The following ADORA2A variants were observed in gnomAD, a reference collection of about 807,000 sequenced individuals.
ADORA2A encodes the protein adenosine receptor A2a.
ADORA2A carries 11 observed loss-of-function variants against 18.4 expected under a neutral mutation model. The observed-to-expected ratio is 0.60, with a 90% CI of 0.38 to 0.99. ADORA2A has a LOEUF of 0.99. Among genes scored for constraint, ADORA2A ranks in the 50% least tolerant of loss-of-function variants. The pLI, the probability that ADORA2A is intolerant of heterozygous loss-of-function variation, is 0.01. For missense variants in ADORA2A, 449 were observed against 556.1 expected (o/e 0.81, Z 1.94); for synonymous variants, 218 against 237.3 (o/e 0.92, Z 0.75).
At chr22:24,429,419 G>T (rs995545026) in intron 1 of ADORA2A, 1 of 152,242 alleles carries the variant, frequency 6.6e-6, no homozygotes, top group Admixed American at 6.5e-5. Context: ...TCACAGAGAA[G>T]TATTACATTA....
At chr22:24,426,871 AC>A (rs1381927030), upstream of ADORA2A, among the ~76,000 whole-genome samples, 1 of 152,090 alleles carries the variant, frequency 6.6e-6, no homozygotes, top group East Asian at 1.9e-4. Flanking sequence ...TCCAAGTCTC[AC>A]CCAGATGATG....
At chr22:24,425,058 A>T (rs1366377670), upstream of ADORA2A, among the ~76,000 whole-genome samples, 1 of 152,020 alleles carries the variant, frequency 6.6e-6, no homozygotes, top group Non-Finnish European at 1.5e-5. Context: ...GCTCTGCCAC[A>T]CACAGGGCCT....
chr22:24,429,349 T>C (rs976071589), intron 1 of ADORA2A: 1 of 152,282 alleles, frequency 6.6e-6, no homozygotes, highest in Non-Finnish European at 1.5e-5. Context: ...TTCCGCAGCA[T>C]GTGTCCCCTG....
In ADORA2A at chr22:24,441,353, G is replaced by A. The variant is rs770090790; in HGVS notation, c.1103G>A (p.Gly368Glu). The A allele has an allele frequency of 6.3e-7, 1 of 1,591,222 alleles. No individual in the cohort carries two copies. Residue 368 changes from glycine to glutamate, a missense_variant, in exon 3 of 3, where the codon GGA (glycine) becomes GAA (glutamate). Physicochemically the swap from Gly to Glu is moderately conservative, Grantham distance 98 (BLOSUM62 -2). Coordinates refer to ENST00000337539, the MANE Select transcript of ADORA2A (RefSeq NM_000675.6). ...GGCTATGCCCTGGGGCTGGTGAGTG[G>A]AGGGAGTGCCCAAGAGTCCCAGGGG... ...PNGYALGLVS[G>E]GSAQESQGNT...
chr22:24,425,346 C>T (rs570169333), upstream of ADORA2A, among the ~76,000 whole-genome samples: 7 of 136,364 alleles, frequency 5.1e-5, no homozygotes, highest in South Asian at 5.2e-4. Context: ...CACCCCCCCC[C>T]CCCCCGCCCA....
chr22:24,426,830 C>A (rs1237585264), upstream of ADORA2A, among the ~76,000 whole-genome samples: 2 of 152,178 alleles, frequency 1.3e-5, no homozygotes, highest in Non-Finnish European at 2.9e-5. Context: ...CTGCTAGAAT[C>A]TCTCGATACC....
Position 24,433,162 on chromosome 22 carries a change from C to A in ADORA2A, c.-243C>A, listed in dbSNP as rs199997232. ...CAGGAACCCTGAAGCTGGGCTGAGC[C>A]ATGATGCTGCTGCCAGAACCCCTGC... On this transcript the variant is annotated 5_prime_UTR_variant, in exon 2 of 3. Coordinates refer to ENST00000337539, the MANE Select transcript of ADORA2A (RefSeq NM_000675.6). 42 of 584,150 alleles carry A rather than the reference C, an allele frequency of 7.2e-5. 2 individuals are homozygous for A. In the South Asian group the frequency reaches 8.5e-4, roughly 12 times the overall value. The allele number at this position is 584,150 out of a possible 1,614,324, so 36.2% of individuals were successfully genotyped here. A position where few individuals can be genotyped will look rare whatever the true frequency, so the allele number is the denominator to read the frequency against.
Position 24,433,745 on chromosome 22 carries a change from G to A in ADORA2A, c.332+9G>A, listed in dbSNP as rs79305848. On this transcript the variant is annotated intron_variant, in intron 2 of 2. Coordinates refer to ENST00000337539, the MANE Select transcript of ADORA2A (RefSeq NM_000675.6). ...ATCCGCATCCCGCTCCGGTGAGCAG[G>A]GCCGGGGTTACATCTGTGCAAAGGC... 6.7e-5 allele frequency: 107 copies of A among 1,600,748 alleles called. No individual in the cohort carries two copies. Among genetic ancestry groups the A allele is most frequent in the Non-Finnish European group, 8.7e-5 (102 of 1,178,690 alleles).
chr22:24,424,000 CGGGTCCG>C (rs2042889270), upstream of ADORA2A: 3 of 149,310 alleles, frequency 2.0e-5, no homozygotes, highest in Admixed American at 2.0e-4. Flanking sequence ...TCCTGGGTGC[CGGGTCCG>C]GGGTGCGGGG....
chr22:24,435,547 A>G (rs1174596982), intron 2 of ADORA2A, among the ~76,000 whole-genome samples: 1 of 151,970 alleles, frequency 6.6e-6, no homozygotes, highest in Non-Finnish European at 1.5e-5. Flanking sequence ...ATGACTCCCT[A>G]TGTAGTAGGA....
intron 2 of ADORA2A, among the ~76,000 whole-genome samples, chr22:24,434,352 G>C (rs566901372): frequency 1.3e-5 from 2 of 152,366 alleles, no homozygotes; most frequent in East Asian, 3.9e-4. Context: ...AGGACTCATC[G>C]TCTTAGAGGC....
At chr22:24,432,992 C>G (rs2043079742) in intron 1 of ADORA2A, 139 bp from the exon 2 acceptor site, 1 of 241,652 alleles carries the variant, frequency 4.1e-6, no homozygotes, top group Non-Finnish European at 8.2e-6. Context: ...CATCCTCAGG[C>G]TGACACCTGG....
intron 1 of ADORA2A, among the ~76,000 whole-genome samples, chr22:24,429,018 G>A (rs765465903): frequency 5.3e-5 from 8 of 152,240 alleles, no homozygotes; most frequent in African/African-American, 9.6e-5. Flanking sequence ...TGGCTGGAGC[G>A]GGTCCGAGTC....
chr22:24,429,071 G>A (rs1460042928), intron 1 of ADORA2A: 2 of 152,398 alleles, frequency 1.3e-5, no homozygotes, highest in Non-Finnish European at 2.9e-5. Flanking sequence ...GCACTCAGGA[G>A]CAGATGTGCA....
At chr22:24,430,066 A>G (rs750543742) in intron 1 of ADORA2A, 1 of 152,288 alleles carries the variant, frequency 6.6e-6, no homozygotes, top group African/African-American at 2.4e-5. Context: ...CCTTTCCCCA[A>G]TGAATGCACT....
upstream of ADORA2A, among the ~76,000 whole-genome samples, chr22:24,424,199 C>T (rs1459342038): frequency 2.0e-5 from 3 of 151,946 alleles, no homozygotes; most frequent in Non-Finnish European, 4.4e-5. The surrounding 1 kb of genome is among the most constrained non-coding windows in gnomAD (Gnocchi z 4.9). Context: ...CTGTGAAGGG[C>T]CCAGGCACAG....
chr22:24,431,733 A>G (rs2043042009), intron 1 of ADORA2A: 2 of 350,262 alleles, frequency 5.7e-6, no homozygotes, highest in South Asian at 2.2e-5. Context: ...AAGAGGGGCA[A>G]TTTAACGGGC....
rs13306115 is a variant in ADORA2A, at chr22:24,433,437, G to A, written c.33G>A (p.Thr11=). 109 of 1,613,632 alleles carry A rather than the reference G, an allele frequency of 6.8e-5. No homozygotes were observed. The East Asian group carries it at 2.1e-3, about 31-fold the overall frequency. MPIMGSSVYI[T]VELAIAVLAI... is the part of the protein sequence containing the mutation. ...TCATGGGCTCCTCGGTGTACATCAC[G>A]GTGGAGCTGGCCATTGCTGTGCTGG... Residue 11 remains threonine (T), a synonymous_variant, in exon 2 of 3, where the codon ACG becomes ACA. Transcript: ENST00000337539.
In ADORA2A at chr22:24,433,301, C is replaced by A; in HGVS notation, c.-104C>A. 8.4e-7 allele frequency: 1 copy of A among 1,185,140 alleles called. No homozygotes were observed. Among genetic ancestry groups the A allele is most frequent in the Non-Finnish European group, 1.2e-6 (1 of 848,446 alleles). 73.4% of individuals were successfully genotyped at this position (1,185,140 alleles called of 1,614,324 possible). A position where few individuals can be genotyped will look rare whatever the true frequency, so the allele number is the denominator to read the frequency against. ...AAGGGGCTCAGGGGTCTGGGCCCCTCCGCCTGGGCCGGGCTGGGAGCCAGG... is the reference window on the plus strand; with the variant it reads ...AAGGGGCTCAGGGGTCTGGGCCCCTACGCCTGGGCCGGGCTGGGAGCCAGG... On this transcript the variant is annotated 5_prime_UTR_variant, in exon 2 of 3. Transcript: ENST00000337539.
Sources: gnomAD v4.1 joint callset for allele counts (sites outside exome capture counted in the v4.1 genomes callset) on GRCh38, gnomAD v4.1.1 for gene constraint, Gnocchi (gnomAD v3.1) non-coding constraint, MANE v1.5 for transcripts, NCBI Gene and HGNC (gene_info 2026-07-23, HGNC 2026-07-21) for gene names.